Variants in KCNMA1 observed in about 807,000 individuals in gnomAD.
KCNMA1 encodes potassium calcium-activated channel subfamily M alpha 1, also known as Calcium-activated potassium channel subunit alpha-1.
KCNMA1 carries 29 observed loss-of-function variants against 140.0 expected under a neutral mutation model. The observed-to-expected ratio is 0.21, with a 90% CI of 0.15 to 0.28. The LOEUF is 0.28. Ranked by LOEUF, KCNMA1 falls within the 10% of genes least tolerant of loss-of-function variation. The probability of loss-of-function intolerance (pLI) is 1.00; values close to 1 mark genes in which losing one functional copy is unlikely to be tolerated. For missense variants in KCNMA1, 880 were observed against 1,602.2 expected, an observed-to-expected ratio of 0.55 and a Z score of 7.70; for synonymous variants, 612 against 611.9, an observed-to-expected ratio of 1.00 and a Z score of 0.00.
At chr10:77,187,865 G>A (rs79798788) in intron 3 of KCNMA1, among the ~76,000 whole-genome samples, 65 of 152,080 alleles carry the variant, frequency 4.3e-4, no homozygotes, top group African/African-American at 1.4e-3. Flanking sequence ...TTACGGACTC[G>A]CACAATCAGA....
intron 1 of KCNMA1, among the ~76,000 whole-genome samples, chr10:77,485,624 G>T (rs1017186324): frequency 6.6e-6 from 1 of 152,216 alleles, no homozygotes; most frequent in Admixed American, 6.5e-5. Flanking sequence ...AGAATAAGAA[G>T]CATCTCAGAG....
chr10:77,141,419 C>A (rs901166730), intron 5 of KCNMA1, among the ~76,000 whole-genome samples: 7 of 152,136 alleles, frequency 4.6e-5, no homozygotes, highest in African/African-American at 1.7e-4. Context: ...GAGGATAGGG[C>A]CCTCATGATG....
At chr10:77,231,481 C>T (rs540931453) in intron 3 of KCNMA1, among the ~76,000 whole-genome samples, 9 of 152,184 alleles carry the variant, frequency 5.9e-5, no homozygotes, top group Admixed American at 1.3e-4. Context: ...ACCAACTCTC[C>T]GATAAGCTTC....
chr10:77,024,487 C>T (rs1056230598), intron 16 of KCNMA1, among the ~76,000 whole-genome samples: 2 of 152,070 alleles, frequency 1.3e-5, no homozygotes, highest in Admixed American at 1.3e-4. Flanking sequence ...AAGTAGGCAT[C>T]TCAACAGTAT....
At chr10:77,540,503 A>G (rs2059928478) in intron 1 of KCNMA1, among the ~76,000 whole-genome samples, 1 of 152,216 alleles carries the variant, frequency 6.6e-6, no homozygotes. Flanking sequence ...AATAATACTT[A>G]GTGGCTCTTT....
At chr10:77,469,361 A>G (rs2098104410) in intron 1 of KCNMA1, among the ~76,000 whole-genome samples, 1 of 152,188 alleles carries the variant, frequency 6.6e-6, no homozygotes, top group South Asian at 2.1e-4. Flanking sequence ...AAGAGCAGAC[A>G]CCACTCTGGA....
chr10:76,934,764 C>T (rs2163796), intron 23 of KCNMA1, among the ~76,000 whole-genome samples: 7,118 of 152,242 alleles, frequency 0.047, 294 homozygotes, highest in African/African-American at 0.1. Flanking sequence ...TCCTTTACTT[C>T]TCTCTGATTC....
intron 11 of KCNMA1, among the ~76,000 whole-genome samples, chr10:77,084,933 C>T (rs969379707): frequency 6.6e-5 from 10 of 152,128 alleles, no homozygotes; most frequent in African/African-American, 2.4e-4. Flanking sequence ...TTGGAGGGTA[C>T]AACATGTACC....
chr10:77,222,304 C>T (rs1054968508), intron 3 of KCNMA1, among the ~76,000 whole-genome samples: 4 of 152,176 alleles, frequency 2.6e-5, no homozygotes, highest in African/African-American at 9.7e-5. Flanking sequence ...AGATTATAAA[C>T]CTTTTTATAG....
At chr10:77,324,638 T>C (rs1197423671) in intron 2 of KCNMA1, among the ~76,000 whole-genome samples, 1 of 152,168 alleles carries the variant, frequency 6.6e-6, no homozygotes, top group Non-Finnish European at 1.5e-5. Flanking sequence ...CAAACTCCCA[T>C]AATTCTCCAA....
intron 1 of KCNMA1, among the ~76,000 whole-genome samples, chr10:77,499,403 G>GTATATATATACATA (rs1239118533): frequency 7.0e-6 from 1 of 142,426 alleles, no homozygotes; most frequent in African/African-American, 2.6e-5. Flanking sequence ...CAGTAGGCAT[G>GTATATATATACATA]TATATATATA....
At chr10:77,628,484 C>T (rs548768374) in intron 1 of KCNMA1, among the ~76,000 whole-genome samples, 20 of 151,964 alleles carry the variant, frequency 1.3e-4, no homozygotes, top group South Asian at 4.2e-4. Context: ...GGTGAAATCC[C>T]GTCTCCATTA....
At chr10:76,924,538 T>G (rs931923968) in intron 23 of KCNMA1, among the ~76,000 whole-genome samples, 4 of 152,180 alleles carry the variant, frequency 2.6e-5, no homozygotes, top group Admixed American at 2.6e-4. Context: ...CCCTGAAATC[T>G]CGAAACCTCA....
chr10:77,280,371 T>C (rs895467063), intron 2 of KCNMA1, among the ~76,000 whole-genome samples: 3 of 152,252 alleles, frequency 2.0e-5, no homozygotes, highest in African/African-American at 4.8e-5. Context: ...TTCCTGTCCA[T>C]GGACATGAAA....
intron 12 of KCNMA1, chr10:77,079,782 C>T: frequency 3.5e-6 from 2 of 573,528 alleles, no homozygotes; most frequent in Non-Finnish European, 6.3e-6. Context: ...TGTCAGTTTA[C>T]CATTGCCATG....
At position 77,171,402 on chromosome 10, in the gene KCNMA1, T is replaced by TGC. The variant is rs1363187027; in HGVS notation, c.808+12018_808+12019insGC. On this transcript the variant is annotated intron_variant, in intron 5 of 27. Coordinates refer to ENST00000286628, the MANE Select transcript of KCNMA1 (RefSeq NM_001161352.2). ...GTACGTGTGCGTGTGTGTGTGTGCG[T>TGC]GTGTGTGTGTGTGTGTGTGTGTGTG... 2.5e-3 allele frequency among the ~76,000 whole-genome samples: 67 copies of TGC among 26,672 alleles called. No individual in the cohort carries two copies. The African/African-American group carries it at 0.03, about 12-fold the overall frequency. 17.5% of individuals were successfully genotyped at this position (26,672 alleles called of 152,430 possible). A position where few individuals can be genotyped will look rare whatever the true frequency, so the allele number is the denominator to read the frequency against.
intron 2 of KCNMA1, among the ~76,000 whole-genome samples, chr10:77,344,350 T>C (rs944010092): frequency 3.9e-5 from 6 of 152,052 alleles, no homozygotes; most frequent in Non-Finnish European, 7.4e-5. Context: ...CATTGAGAGG[T>C]GAGGGATCAG....
rs544565686 is a variant in KCNMA1 at position 77,083,870 on chromosome 10, G to A, written c.1523+767C>T. Among the ~76,000 whole-genome samples the A allele has an allele frequency of 4.0e-5, 6 of 150,714 alleles. No individual in the cohort carries two copies. The South Asian group carries it at 1.3e-3, about 32-fold the overall frequency. On this transcript the variant is annotated intron_variant, in intron 12 of 27. Transcript: ENST00000286628. Reference sequence around the variant, plus strand: ...AACGGGGGGGGGTTGGGGGAGGTGGGAGAGGAGCAGAGGCTTATAGTCAAA... The same window carrying A: ...AACGGGGGGGGGTTGGGGGAGGTGGAAGAGGAGCAGAGGCTTATAGTCAAA...
intron 20 of KCNMA1, among the ~76,000 whole-genome samples, chr10:76,958,534 A>G (rs1199554918): frequency 6.6e-6 from 1 of 152,184 alleles, no homozygotes; most frequent in African/African-American, 2.4e-5. Context: ...CCGGTACCTC[A>G]GAATGTGACT....
Sources: allele counts gnomAD v4.1 joint callset (sites outside exome capture counted in the v4.1 genomes callset), GRCh38; gene constraint gnomAD v4.1.1; transcripts MANE v1.5; gene names NCBI Gene and HGNC (gene_info 2026-07-23, HGNC 2026-07-21).